Variants in CAPN5 observed in about 807,000 individuals in gnomAD.
CAPN5 encodes calpain-5.
CAPN5 carries 54 observed loss-of-function variants against 73.0 expected under a neutral mutation model. The ratio of observed to expected loss-of-function variants is 0.74; its 90% CI spans 0.59 to 0.93. The LOEUF (loss-of-function observed/expected upper bound fraction) is 0.93. Ranked by LOEUF, CAPN5 falls within the 40% of genes least tolerant of loss-of-function variation. CAPN5 has a pLI of 0.00. For missense variants in CAPN5, 785 were observed against 882.9 expected, an observed-to-expected ratio of 0.89 and a Z score of 1.41; for synonymous variants, 335 against 356.9, an observed-to-expected ratio of 0.94 and a Z score of 0.69.
In CAPN5 at chr11:77,093,824, G is replaced by T; in HGVS notation, c.297+11G>T. On this transcript the variant is annotated intron_variant, in intron 3 of 12. Transcript: ENST00000648180. The stretch of plus-strand genomic sequence containing the variant: ...TCGCTGTGGCAAAAGGTGAGGCCTC[G>T]GGCAGAGTGGGCAGGGTGCTGGGGA... 1.2e-6 allele frequency: 2 copies of T among 1,607,226 alleles called. No homozygotes were observed.
intron 1 of CAPN5, among the ~76,000 whole-genome samples, chr11:77,076,029 C>T (rs782713695): frequency 1.3e-5 from 2 of 152,116 alleles, no homozygotes; most frequent in Admixed American, 6.5e-5. Flanking sequence ...AATTATCACA[C>T]GCATTACCTC....
In CAPN5 at chr11:77,093,662, T is replaced by C; in HGVS notation, c.166-20T>C. ...GCATGCTCCTCCGCCCCTCACGCTC[T>C]CTCCTCGCCTTCTCCGCAGGGCATC... On this transcript the variant is annotated intron_variant, in intron 2 of 12. Coordinates refer to ENST00000648180, the MANE Select transcript of CAPN5 (RefSeq NM_004055.5). 1 of 1,558,268 alleles carries C rather than the reference T, an allele frequency of 6.4e-7. No individual in the cohort carries two copies. The highest frequency in any genetic ancestry group is 8.7e-7 in the Non-Finnish European group (1 of 1,155,022).
chr11:77,124,729 T>C lies in CAPN5; in HGVS notation c.*859T>C, dbSNP rs1950555717. The C allele has an allele frequency of 1.3e-5, 2 of 152,362 alleles. No homozygotes were observed. Among genetic ancestry groups the C allele is most frequent in the Admixed American group, 6.5e-5 (1 of 15,288 alleles). The allele number at this position is 152,362 out of a possible 1,614,324, so 9.4% of individuals were successfully genotyped here. ...CAGGGGCCAGGCAGCTGGGGGCCTT[T>C]GGGGACCAGAAGGGGAGATGTGCTC... On this transcript the variant is annotated 3_prime_UTR_variant, in exon 13 of 13. Transcript: ENST00000648180.
In CAPN5 at chr11:77,066,971, A is replaced by T. The variant is rs187443887; in HGVS notation, c.-159A>T. On this transcript the variant is annotated 5_prime_UTR_variant, in exon 1 of 13. Transcript: ENST00000648180. ...CGAGCGCCAGCCCCCGCCGCAGGCC[A>T]GTCCCAGCTGGATCTCCGGCCAGAG... 6.6e-6 allele frequency: 1 copy of T among 151,920 alleles called. No homozygotes were observed. Among genetic ancestry groups the T allele is most frequent in the Non-Finnish European group, 1.5e-5 (1 of 67,978 alleles). The allele number at this position is 151,920 out of a possible 1,614,324, so 9.4% of individuals were successfully genotyped here.
At chr11:77,117,455 A>G (rs1057354057) in intron 7 of CAPN5, among the ~76,000 whole-genome samples, 13 of 152,182 alleles carry the variant, frequency 8.5e-5, no homozygotes, top group African/African-American at 2.9e-4. Context: ...CTGGCACCCA[A>G]TGATGAACCC....
Position 77,126,099 on chromosome 11 carries a change from G to A in CAPN5, c.*2229G>A, listed in dbSNP as rs781873934. The A allele has an allele frequency of 1.3e-5, 2 of 152,212 alleles. No homozygotes were observed. The highest frequency in any genetic ancestry group is 2.9e-5 in the Non-Finnish European group (2 of 68,034). 9.4% of individuals were successfully genotyped at this position (152,212 alleles called of 1,614,324 possible). A position where few individuals can be genotyped will look rare whatever the true frequency, so the allele number is the denominator to read the frequency against. ...TTCCCTCTTCTCAGGATCCACCACA[G>A]GGTTAGGGGACAGGAAGCCTGTTCT... On this transcript the variant is annotated 3_prime_UTR_variant, in exon 13 of 13. Transcript: ENST00000648180.
chr11:77,099,708 G>GGGAGAGGGAGAGGGAGACGGAGA (rs1950263423), intron 3 of CAPN5, among the ~76,000 whole-genome samples: 1 of 147,758 alleles, frequency 6.8e-6, no homozygotes, highest in African/African-American at 2.6e-5. Flanking sequence ...GGGAGACCGT[G>GGGAGAGGGAGAGGGAGACGGAGA]GGGAGAGGGA....
chr11:77,068,418 G>A (rs781843661), intron 1 of CAPN5, among the ~76,000 whole-genome samples: 10 of 152,084 alleles, frequency 6.6e-5, no homozygotes, highest in Non-Finnish European at 1.5e-4. Flanking sequence ...GGGACTGATG[G>A]GTGCCCGGGA....
intron 12 of CAPN5, among the ~76,000 whole-genome samples, chr11:77,123,165 G>A (rs1950540819): frequency 6.6e-6 from 1 of 152,204 alleles, no homozygotes; most frequent in Non-Finnish European, 1.5e-5. Flanking sequence ...TGGGGATGAT[G>A]ATTCTGAACT....
rs781788609 is a variant in CAPN5 at position 77,114,326 on chromosome 11, C to T, written c.591C>T (p.Ile197=). The change falls in exon 5 of 13, where the codon ATC becomes ATT. Residue 197 remains isoleucine (I), a synonymous_variant. Transcript: ENST00000648180. The part of the protein sequence containing the change: ...VDFTGGVSEP[I]DLTEGDFAND... ...TCACGGGTGGTGTTTCTGAGCCCAT[C>T]GACCTGACCGAGGGTGACTTTGCCA... is the stretch of plus-strand genomic sequence containing the variant. 2.5e-6 allele frequency: 4 copies of T among 1,614,176 alleles called. No homozygotes were observed. Among genetic ancestry groups the T allele is most frequent in the South Asian group, 1.1e-5 (1 of 91,078 alleles).
In CAPN5 at chr11:77,112,816, C is replaced by T. The variant is rs2135475048; in HGVS notation, c.506+19C>T. ...ATGCCAAGTAGGTGCCAGCAGCAGG[C>T]AGGTGGGTGGGAGGCCCAGACGGGG... On this transcript the variant is annotated intron_variant, in intron 4 of 12. Coordinates refer to ENST00000648180, the MANE Select transcript of CAPN5 (RefSeq NM_004055.5). 1.2e-6 allele frequency: 2 copies of T among 1,612,422 alleles called. No individual in the cohort carries two copies. The highest frequency in any genetic ancestry group is 1.1e-5 in the South Asian group (1 of 90,922).
intron 8 of CAPN5, 44 bp from the exon 9 acceptor site, chr11:77,118,986 G>A: frequency 6.3e-7 from 1 of 1,578,454 alleles, no homozygotes. Context: ...TGCCTGGTGT[G>A]GTCTCATTGC....
At chr11:77,088,715 T>G (rs1303904624) in intron 2 of CAPN5, among the ~76,000 whole-genome samples, 2 of 152,016 alleles carry the variant, frequency 1.3e-5, no homozygotes, top group African/African-American at 4.8e-5. Flanking sequence ...GGAGGACGGA[T>G]GTGGAGGGAG....
At chr11:77,119,306 C>T (rs1463861324) in intron 9 of CAPN5, 154 bp downstream of exon 9, 1 of 833,576 alleles carries the variant, frequency 1.2e-6, no homozygotes. Flanking sequence ...GTGGCATGGG[C>T]CCCACTTGAA....
chr11:77,102,917 G>T (rs782145291), intron 3 of CAPN5: 16 of 1,612,762 alleles, frequency 9.9e-6, no homozygotes, highest in Admixed American at 5.0e-5. Flanking sequence ...GGCAGATGCG[G>T]CTACGCGTGG....
rs10543158 is a variant in CAPN5, at chr11:77,125,614, C to CTATATATATATATATATA, written c.*1753_*1770dup. The CTATATATATATATATATA allele has an allele frequency of 1.1e-3, 158 of 140,684 alleles. No homozygotes were observed. The highest frequency in any genetic ancestry group is 3.7e-3 in the African/African-American group (141 of 38,372). The allele number at this position is 140,684 out of a possible 1,614,324, so 8.7% of individuals were successfully genotyped here. A position where few individuals can be genotyped will look rare whatever the true frequency, so the allele number is the denominator to read the frequency against. On this transcript the variant is annotated 3_prime_UTR_variant, in exon 13 of 13. Coordinates refer to ENST00000648180, the MANE Select transcript of CAPN5 (RefSeq NM_004055.5). ...CTATGTATCTCTGTATGCACACGCA[C>CTATATATATATATATATA]TATATATATATATATATATATATAT...
At chr11:77,080,639 G>A (rs781924139) in intron 1 of CAPN5, among the ~76,000 whole-genome samples, 2 of 152,184 alleles carry the variant, frequency 1.3e-5, no homozygotes, top group Non-Finnish European at 2.9e-5. Context: ...GCAGGTCCAG[G>A]GAACAGCAGA....
intron 2 of CAPN5, among the ~76,000 whole-genome samples, chr11:77,085,885 T>C (rs1950080723): frequency 6.6e-6 from 1 of 152,092 alleles, no homozygotes; most frequent in African/African-American, 2.4e-5. Context: ...ACACTGAGGG[T>C]CGTCCCCTCA....
chr11:77,084,439 A>G (rs1565259167), intron 1 of CAPN5, among the ~76,000 whole-genome samples: 1 of 152,188 alleles, frequency 6.6e-6, no homozygotes, highest in Non-Finnish European at 1.5e-5. Flanking sequence ...GCCACTCTCT[A>G]GAGGTGGGGA....
Sources: gnomAD v4.1 joint callset for allele counts (sites outside exome capture counted in the v4.1 genomes callset) on GRCh38, gnomAD v4.1.1 for gene constraint, MANE v1.5 for transcripts, NCBI Gene and HGNC (gene_info 2026-07-23, HGNC 2026-07-21) for gene names.